OGG1: variants seen among roughly 807,000 people sequenced by gnomAD.
OGG1 encodes the protein 8-oxoguanine DNA glycosylase.
In OGG1, 35 loss-of-function variants were observed where a neutral mutation model predicts 42.3. The observed-to-expected ratio is 0.83, with a 90% confidence interval of 0.63 to 1.10. The LOEUF is 1.10. OGG1 is among the 50% of genes least tolerant of loss of function. The pLI is 0.00. For synonymous variants in OGG1, 189 were observed against 179.0 expected, an observed-to-expected ratio of 1.06 and a Z score of -0.44; for missense variants, 484 against 446.7, an observed-to-expected ratio of 1.08 and a Z score of -0.75.
At chr3:9,776,475 C>T (rs1290900878) in intron 2 of OGG1, among the ~76,000 whole-genome samples, 2 of 150,870 alleles carry the variant, frequency 1.3e-5, no homozygotes, top group Non-Finnish European at 3.0e-5. Flanking sequence ...CTGCAAGCTC[C>T]GCCTCCCGGG....
At chr3:9,759,504 G>A (rs757250734), downstream of OGG1, 4 of 1,614,172 alleles carry the variant, frequency 2.5e-6, no homozygotes, top group Non-Finnish European at 8.5e-7. Context: ...CTTGCTCTTG[G>A]CAAAGTTCTT....
Position 9,757,044 on chromosome 3 carries a change from A to C in OGG1, c.949-17A>C, listed in dbSNP as rs370233547. 1 of 1,613,214 alleles carries C rather than the reference A, an allele frequency of 6.2e-7. No homozygotes were observed. Among genetic ancestry groups the C allele is most frequent in the African/African-American group, 1.3e-5 (1 of 74,666 alleles). Reference sequence around the variant, plus strand: ...CCAGTGTACCCTCCTCCCCACACAGACTCCACCCTCCTACAGGTGCTGTTC... The same window carrying C: ...CCAGTGTACCCTCCTCCCCACACAGCCTCCACCCTCCTACAGGTGCTGTTC... On this transcript the variant is annotated splice_polypyrimidine_tract_variant and intron_variant, in intron 6 of 6. Coordinates refer to ENST00000344629, the MANE Select transcript of OGG1 (RefSeq NM_002542.6). The surrounding 1 kb of genome is among the most constrained non-coding windows in gnomAD (Gnocchi z 4.5).
At chr3:9,767,880 T>C, downstream of OGG1, 1 of 1,409,514 alleles carries the variant, frequency 7.1e-7, no homozygotes, top group Admixed American at 2.7e-5. Context: ...CATTTATTCA[T>C]CCTTGATTCA....
intron 3 of OGG1, chr3:9,783,783 AAAAC>A: frequency 1.5e-6 from 1 of 655,782 alleles, no homozygotes. Flanking sequence ...CTCTCAAAAA[AAAAC>A]AAAACAAAAA....
intron 3 of OGG1, 163 bp downstream of exon 3, chr3:9,752,112 G>A: frequency 1.5e-6 from 1 of 666,036 alleles, no homozygotes; most frequent in Non-Finnish European, 2.6e-6. Context: ...TCCTCCCTAT[G>A]CATCCCTAAA....
At chr3:9,765,226 CAA>C (rs71049801) in intron 7 of OGG1, among the ~76,000 whole-genome samples, 14 of 116,434 alleles carry the variant, frequency 1.2e-4, no homozygotes, top group African/African-American at 1.3e-4. Flanking sequence ...GACTCCATCT[CAA>C]AAAAAAAAAA....
At chr3:9,783,461 T>C (rs1034430053) in intron 3 of OGG1, 1 of 151,968 alleles carries the variant, frequency 6.6e-6, no homozygotes, top group Non-Finnish European at 1.5e-5. Flanking sequence ...ATACATTTTA[T>C]ATTATGCCTT....
chr3:9,787,080 C>A (rs1297877619), intron 3 of OGG1: 2 of 1,614,086 alleles, frequency 1.2e-6, no homozygotes, highest in South Asian at 2.2e-5. Flanking sequence ...TCATGCTGGG[C>A]CTCAGACTTC....
At chr3:9,777,247 C>A (rs1209381523) in intron 2 of OGG1, among the ~76,000 whole-genome samples, 6 of 152,194 alleles carry the variant, frequency 3.9e-5, no homozygotes, top group Admixed American at 3.9e-4. Flanking sequence ...GCTTTGCCTC[C>A]AAACTAGTGA....
At chr3:9,760,717 T>C (rs1559696506), downstream of OGG1, 1 of 1,614,094 alleles carries the variant, frequency 6.2e-7, no homozygotes, top group Non-Finnish European at 8.5e-7. Flanking sequence ...TCAAAATCTG[T>C]TCAAAGAGTT....
chr3:9,773,508 A>G (rs2078328005), intron 2 of OGG1, among the ~76,000 whole-genome samples: 1 of 152,046 alleles, frequency 6.6e-6, no homozygotes, highest in South Asian at 2.1e-4. Context: ...GCGCCACTGC[A>G]CTCCAGCCTG....
rs542754128 is a variant in OGG1 at position 9,752,229 on chromosome 3, C to T, written c.565+280C>T. Reference sequence around the variant, plus strand: ...TAGTTTGGGGTTAAGAGCATGCATTCTGGGGACAGACCCATGCCTGGTTCT... The same window carrying T: ...TAGTTTGGGGTTAAGAGCATGCATTTTGGGGACAGACCCATGCCTGGTTCT... On this transcript the variant is annotated intron_variant, in intron 3 of 6. Transcript: ENST00000344629. 34 of 503,596 alleles carry T rather than the reference C, an allele frequency of 6.8e-5. No homozygotes were observed. The East Asian group carries it at 1.1e-3, about 17-fold the overall frequency. The allele number at this position is 503,596 out of a possible 1,614,324, so 31.2% of individuals were successfully genotyped here. A position where few individuals can be genotyped will look rare whatever the true frequency, so the allele number is the denominator to read the frequency against.
At chr3:9,765,698 G>A (rs2078121097) in intron 7 of OGG1, 4 of 1,571,446 alleles carry the variant, frequency 2.5e-6, no homozygotes, top group Non-Finnish European at 3.5e-6. Context: ...CAGGAAAGGA[G>A]GAGGATGGGA....
downstream of OGG1, among the ~76,000 whole-genome samples, chr3:9,788,991 A>G (rs1022448218): frequency 1.3e-5 from 2 of 151,946 alleles, no homozygotes; most frequent in Non-Finnish European, 2.9e-5. Context: ...GCACACCGCC[A>G]TGCCTGGCTA....
chr3:9,783,915 A>T, intron 3 of OGG1: 2 of 1,418,556 alleles, frequency 1.4e-6, no homozygotes, highest in Admixed American at 2.7e-5. Context: ...TCTCCAGGTG[A>T]TTTAGAGGCC....
chr3:9,751,654 T>C (rs1229006690), intron 2 of OGG1, 116 bp from the exon 3 acceptor site: 1 of 954,796 alleles, frequency 1.0e-6, no homozygotes, highest in African/African-American at 1.6e-5. Flanking sequence ...CGGTGCTGAC[T>C]CTCATTCTCC....
downstream of OGG1, chr3:9,759,510 T>C: frequency 6.2e-7 from 1 of 1,614,086 alleles, no homozygotes; most frequent in Non-Finnish European, 8.5e-7. Context: ...CTTGGCAAAG[T>C]TCTTCTTGAT....
chr3:9,757,765 C>T (rs1437806689), downstream of OGG1: 2 of 1,614,008 alleles, frequency 1.2e-6, no homozygotes, highest in African/African-American at 2.7e-5. The surrounding 1 kb of genome is among the most constrained non-coding windows in gnomAD (Gnocchi z 4.5). Context: ...CCATGGCTCG[C>T]CGTCTGCCCC....
At chr3:9,784,169 A>G in intron 3 of OGG1, 1 of 1,613,934 alleles carries the variant, frequency 6.2e-7, no homozygotes, top group Non-Finnish European at 8.5e-7. Flanking sequence ...CTGGGCAATT[A>G]GCTCCTCCTT....
Sources: gnomAD v4.1 joint callset for allele counts (sites outside exome capture counted in the v4.1 genomes callset) on GRCh38, gnomAD v4.1.1 for gene constraint, Gnocchi (gnomAD v3.1) non-coding constraint, MANE v1.5 for transcripts, NCBI Gene and HGNC (gene_info 2026-07-23, HGNC 2026-07-21) for gene names.